The following GRM8 variants were observed in gnomAD, a reference collection of about 807,000 sequenced individuals.
The protein encoded by GRM8 is metabotropic glutamate receptor 8.
In GRM8, 47 loss-of-function variants were observed where a neutral mutation model predicts 87.2. The observed-to-expected ratio is 0.54, with a 90% confidence interval of 0.43 to 0.69. The LOEUF (loss-of-function observed/expected upper bound fraction) is 0.69. Ranked by LOEUF, GRM8 falls within the 30% of genes least tolerant of loss-of-function variation. GRM8 has a pLI of 0.00. For missense variants in GRM8, 1,019 were observed against 1,139.2 expected (o/e 0.89, Z 1.52); for synonymous variants, 396 against 404.5 (o/e 0.98, Z 0.25).
intron 1 of GRM8, among the ~76,000 whole-genome samples, chr7:127,243,902 C>A (rs1292900606): frequency 6.8e-6 from 1 of 147,418 alleles, no homozygotes; most frequent in East Asian, 2.0e-4. Context: ...TCAACAAAAT[C>A]ATAATAAATA....
At chr7:127,012,280 C>G (rs886150688) in intron 3 of GRM8, among the ~76,000 whole-genome samples, 1 of 152,066 alleles carries the variant, frequency 6.6e-6, no homozygotes, top group Non-Finnish European at 1.5e-5. Context: ...TTCTATAGTT[C>G]TACTATATGC....
At chr7:126,881,097 T>C (rs915673817) in intron 6 of GRM8, among the ~76,000 whole-genome samples, 11 of 152,174 alleles carry the variant, frequency 7.2e-5, no homozygotes, top group Non-Finnish European at 1.0e-4. Flanking sequence ...TATATTTTCA[T>C]ATGGCCTCTG....
intron 2 of GRM8, among the ~76,000 whole-genome samples, chr7:127,165,614 A>G (rs1479249900): frequency 6.6e-6 from 1 of 151,968 alleles, no homozygotes; most frequent in Non-Finnish European, 1.5e-5. Flanking sequence ...ACTTCTTCAC[A>G]CTGTTGACAG....
chr7:126,615,612 G>A (rs1799406441), intron 7 of GRM8, among the ~76,000 whole-genome samples: 1 of 152,184 alleles, frequency 6.6e-6, no homozygotes, highest in Non-Finnish European at 1.5e-5. Context: ...TGATCAGAGT[G>A]CTGTATTCAG....
intron 2 of GRM8, among the ~76,000 whole-genome samples, chr7:127,230,972 T>G (rs1199413357): frequency 3.3e-5 from 5 of 152,188 alleles, no homozygotes; most frequent in African/African-American, 1.2e-4. Context: ...CTGTAGCCCT[T>G]TTTACACGGT....
rs1371651940 is a variant in GRM8 at position 126,609,427 on chromosome 7, G to A, written c.1429C>T (p.Gln477Ter). The A allele has an allele frequency of 6.2e-7, 1 of 1,612,120 alleles. No homozygotes were observed. The highest frequency in any genetic ancestry group is 1.7e-5 in the Admixed American group (1 of 60,010). ...TACTCTGTGCTTTTGTTGGTTATTT[G>A]ATACTGGAAGATATCATAACGTCCA... ...APGRYDIFQY[Q>*]ITNKSTEYKV... is the part of the protein sequence containing the mutation. Residue 477 changes from glutamine (Q) to a stop codon, truncating the protein, a stop_gained, in exon 8 of 11, where the codon CAA (glutamine) becomes TAA (stop). Transcript: ENST00000339582. LOFTEE classifies it high-confidence loss of function.
intron 2 of GRM8, among the ~76,000 whole-genome samples, chr7:127,123,704 T>C (rs1467961656): frequency 1.3e-5 from 2 of 152,196 alleles, no homozygotes; most frequent in Admixed American, 6.5e-5. Flanking sequence ...TGGTTTCTAA[T>C]AAAACATTAC....
intron 8 of GRM8, among the ~76,000 whole-genome samples, chr7:126,572,393 A>G (rs1794758517): frequency 6.6e-6 from 1 of 152,206 alleles, no homozygotes; most frequent in Admixed American, 6.6e-5. Context: ...AAATATTCCA[A>G]TGCTGATAGA....
intron 3 of GRM8, chr7:127,091,084 T>A (rs1036784136): frequency 6.6e-6 from 1 of 152,226 alleles, no homozygotes; most frequent in African/African-American, 2.4e-5. Flanking sequence ...ACTGACCAAG[T>A]GTTCACAGTG....
intron 7 of GRM8, among the ~76,000 whole-genome samples, chr7:126,619,889 G>C (rs1222540406): frequency 3.9e-5 from 6 of 152,198 alleles, no homozygotes; most frequent in African/African-American, 1.4e-4. Context: ...ATAGGGTTTT[G>C]CATGCTGCCC....
intron 2 of GRM8, among the ~76,000 whole-genome samples, chr7:127,203,622 C>T (rs1318983443): frequency 1.3e-5 from 2 of 151,968 alleles, no homozygotes; most frequent in Non-Finnish European, 1.5e-5. Flanking sequence ...CCAGGAGAAT[C>T]GCTTGAACCA....
chr7:126,439,519 G>A (rs1416432106), intron 10 of GRM8, among the ~76,000 whole-genome samples: 1 of 152,070 alleles, frequency 6.6e-6, no homozygotes, highest in African/African-American at 2.4e-5. Flanking sequence ...AAAAAGCATA[G>A]CACATACAAT....
intron 3 of GRM8, among the ~76,000 whole-genome samples, chr7:127,016,826 A>T (rs1238420119): frequency 2.6e-5 from 4 of 152,106 alleles, no homozygotes; most frequent in African/African-American, 9.7e-5. Flanking sequence ...ATAGTTTTTT[A>T]AAACTGGTAG....
At chr7:126,599,188 C>G (rs1346309180) in intron 8 of GRM8, among the ~76,000 whole-genome samples, 1 of 152,076 alleles carries the variant, frequency 6.6e-6, no homozygotes, top group Non-Finnish European at 1.5e-5. Context: ...TAACAACGTG[C>G]CCCACAGAAT....
chr7:126,736,471 T>A (rs1419663693), intron 7 of GRM8, among the ~76,000 whole-genome samples: 1 of 152,084 alleles, frequency 6.6e-6, no homozygotes, highest in East Asian at 1.9e-4. Flanking sequence ...AGGTTATTCA[T>A]TAATTACCTT....
intron 9 of GRM8, chr7:126,447,123 C>T (rs1584633832): frequency 6.6e-6 from 1 of 151,888 alleles, no homozygotes; most frequent in African/African-American, 2.4e-5. Flanking sequence ...AAATCGACTG[C>T]TCTGATACTT....
At chr7:126,727,327 T>A (rs1813106373) in intron 7 of GRM8, among the ~76,000 whole-genome samples, 1 of 152,056 alleles carries the variant, frequency 6.6e-6, no homozygotes, top group South Asian at 2.1e-4. Context: ...ACATGAAATC[T>A]GTATATATTT....
chr7:127,090,345 G>C (rs1054140843), intron 3 of GRM8, among the ~76,000 whole-genome samples: 1 of 152,142 alleles, frequency 6.6e-6, no homozygotes, highest in Non-Finnish European at 1.5e-5. Flanking sequence ...GAATAAGCAA[G>C]TTCATCAGGG....
chr7:126,955,315 C>A (rs1162438524), intron 3 of GRM8, among the ~76,000 whole-genome samples: 1 of 152,126 alleles, frequency 6.6e-6, no homozygotes, highest in Non-Finnish European at 1.5e-5. Context: ...TTCAAGAAGT[C>A]AGCTAAGAAC....
Sources: gnomAD v4.1 joint callset for allele counts (sites outside exome capture counted in the v4.1 genomes callset) on GRCh38, gnomAD v4.1.1 for gene constraint, MANE v1.5 for transcripts, NCBI Gene and HGNC (gene_info 2026-07-23, HGNC 2026-07-21) for gene names.